VAV3: variants seen among roughly 807,000 people sequenced by gnomAD.
VAV3 encodes guanine nucleotide exchange factor VAV3.
A neutral mutation model predicts 131.2 loss-of-function variants in VAV3; 94 were observed. The ratio of observed to expected loss-of-function variants is 0.72; its 90% CI spans 0.61 to 0.85. The LOEUF (loss-of-function observed/expected upper bound fraction) is 0.85, where lower values mean the gene tolerates loss of function less well. Among genes scored for constraint, VAV3 ranks in the 40% least tolerant of loss-of-function variants. The probability of loss-of-function intolerance (pLI) is 0.00; values close to 1 mark genes in which losing one functional copy is unlikely to be tolerated. For missense variants in VAV3, 939 were observed against 1,002.7 expected (o/e 0.94, Z 0.86); for synonymous variants, 349 against 342.0 (o/e 1.02, Z -0.22).
intron 17 of VAV3, among the ~76,000 whole-genome samples, chr1:107,694,575 T>C (rs1167817638): frequency 6.6e-6 from 1 of 152,188 alleles, no homozygotes. Flanking sequence ...ATTCATAAAG[T>C]ACCAGCCAGG....
At chr1:107,764,226 A>C (rs1238705847) in intron 9 of VAV3, among the ~76,000 whole-genome samples, 4 of 152,096 alleles carry the variant, frequency 2.6e-5, no homozygotes. Flanking sequence ...AACTTTCCCA[A>C]CTGTTCTGGT....
intron 19 of VAV3, among the ~76,000 whole-genome samples, chr1:107,677,602 C>T (rs1658301120): frequency 6.6e-6 from 1 of 152,136 alleles, no homozygotes; most frequent in Admixed American, 6.5e-5. Context: ...AGGTTCATTA[C>T]TTCTTTTTCA....
At chr1:107,684,956 A>T (rs1182834194) in intron 18 of VAV3, among the ~76,000 whole-genome samples, 1 of 152,202 alleles carries the variant, frequency 6.6e-6, no homozygotes, top group East Asian at 1.9e-4. Context: ...TTATTTAATG[A>T]TGGGCAACTT....
intron 2 of VAV3, among the ~76,000 whole-genome samples, chr1:107,800,248 T>G (rs1203084723): frequency 6.6e-6 from 1 of 151,752 alleles, no homozygotes; most frequent in Non-Finnish European, 1.5e-5. Flanking sequence ...AATTCAATAT[T>G]TAATTTTTTG....
At chr1:107,818,029 CTT>C (rs1667635647) in intron 2 of VAV3, among the ~76,000 whole-genome samples, 1 of 152,200 alleles carries the variant, frequency 6.6e-6, no homozygotes, top group South Asian at 2.1e-4. Context: ...AGGGAGCACA[CTT>C]GTCATTAAAT....
chr1:107,578,896 G>A (rs2100997432), intron 25 of VAV3: 1 of 985,138 alleles, frequency 1.0e-6, no homozygotes, highest in Non-Finnish European at 1.2e-6. Context: ...CTCTAGAAGA[G>A]AGAAATGATA....
chr1:107,946,446 A>C (rs142251447), intron 1 of VAV3, among the ~76,000 whole-genome samples: 1 of 152,338 alleles, frequency 6.6e-6, no homozygotes, highest in African/African-American at 2.4e-5. Flanking sequence ...AAGACTTTGG[A>C]AATCTGTGCT....
At chr1:107,710,027 T>C (rs190306698) in intron 15 of VAV3, among the ~76,000 whole-genome samples, 218 of 152,316 alleles carry the variant, frequency 1.4e-3, no homozygotes, top group African/African-American at 4.9e-3. Flanking sequence ...AAAATAATAA[T>C]ACATATGATT....
chr1:107,577,277 A>G (rs543278804), intron 25 of VAV3, among the ~76,000 whole-genome samples: 35 of 152,362 alleles, frequency 2.3e-4, no homozygotes, highest in African/African-American at 7.5e-4. Flanking sequence ...ATGTGACTCC[A>G]GGGTACCTGC....
intron 21 of VAV3, 92 bp from the exon 22 acceptor site, chr1:107,610,057 T>G (rs1570606993): frequency 2.5e-6 from 3 of 1,218,426 alleles, no homozygotes; most frequent in African/African-American, 1.5e-5. Context: ...CTCAGCTCTA[T>G]AAAACCCTAA....
At chr1:107,683,459 A>C (rs760103523) in intron 19 of VAV3, 29 bp downstream of exon 19, 1 of 1,613,114 alleles carries the variant, frequency 6.2e-7, no homozygotes, top group Admixed American at 1.7e-5. Context: ...CTGAAGCCAT[A>C]ATTATGGAAG....
intron 3 of VAV3, among the ~76,000 whole-genome samples, chr1:107,778,919 C>T (rs17020011): frequency 0.083 from 12,623 of 152,122 alleles, 798 homozygotes; most frequent in East Asian, 0.28. Flanking sequence ...TACTCTATTG[C>T]AAGGAGATGA....
chr1:107,717,852 A>G (rs181957186), intron 15 of VAV3, among the ~76,000 whole-genome samples: 128 of 152,216 alleles, frequency 8.4e-4, no homozygotes, highest in African/African-American at 3.0e-3. Flanking sequence ...AAAGTTTCCC[A>G]TTATTATTGT....
At chr1:107,703,297 C>T (rs1052614139) in intron 17 of VAV3, among the ~76,000 whole-genome samples, 6 of 152,140 alleles carry the variant, frequency 3.9e-5, no homozygotes, top group African/African-American at 7.2e-5. Context: ...TATTTTACAA[C>T]TCTGTAAACT....
chr1:107,861,877 T>C (rs979916905), intron 2 of VAV3, among the ~76,000 whole-genome samples: 3 of 151,564 alleles, frequency 2.0e-5, no homozygotes, highest in Admixed American at 2.0e-4. Context: ...ACCAAGCACA[T>C]CTCTGTGCAA....
intron 1 of VAV3, among the ~76,000 whole-genome samples, chr1:107,946,080 G>A (rs1334273311): frequency 6.6e-6 from 1 of 152,006 alleles, no homozygotes; most frequent in Non-Finnish European, 1.5e-5. Context: ...TTACAAAGGG[G>A]TTCACTCGAT....
chr1:107,899,251 A>T (rs1195295095), intron 1 of VAV3, among the ~76,000 whole-genome samples: 1 of 152,170 alleles, frequency 6.6e-6, no homozygotes, highest in Non-Finnish European at 1.5e-5. Flanking sequence ...TATAGAAGAG[A>T]GTGTCAAGGG....
At chr1:107,624,878 T>C (rs980097721) in intron 20 of VAV3, among the ~76,000 whole-genome samples, 6 of 152,212 alleles carry the variant, frequency 3.9e-5, no homozygotes, top group Non-Finnish European at 8.8e-5. Context: ...TCTTCAAGGA[T>C]CTCATTCAGA....
intron 2 of VAV3, among the ~76,000 whole-genome samples, chr1:107,841,177 T>C (rs1027801064): frequency 6.6e-6 from 1 of 152,040 alleles, no homozygotes; most frequent in Non-Finnish European, 1.5e-5. Flanking sequence ...ACTCAGAAAA[T>C]ACTAAGCATC....
Sources: gnomAD v4.1 joint callset for allele counts (sites outside exome capture counted in the v4.1 genomes callset) on GRCh38, gnomAD v4.1.1 for gene constraint, MANE v1.5 for transcripts, NCBI Gene and HGNC (gene_info 2026-07-23, HGNC 2026-07-21) for gene names.